ZNF536: variants seen among roughly 807,000 people sequenced by gnomAD.
The protein encoded by ZNF536 is zinc finger protein 536.
ZNF536 carries 13 observed loss-of-function variants against 84.5 expected under a neutral mutation model. The ratio of observed to expected loss-of-function variants is 0.15; its 90% CI spans 0.10 to 0.24. ZNF536 has a LOEUF of 0.24. ZNF536 is among the 10% of genes least tolerant of loss of function. ZNF536 has a pLI of 1.00. For synonymous variants in ZNF536, 811 were observed against 742.5 expected, an observed-to-expected ratio of 1.09 and a Z score of -1.50; for missense variants, 1,536 against 1,747.5, an observed-to-expected ratio of 0.88 and a Z score of 2.16.
chr19:30,412,390 T>C (rs962535555), intron 1 of ZNF536, among the ~76,000 whole-genome samples: 3 of 148,442 alleles, frequency 2.0e-5, no homozygotes, highest in African/African-American at 7.3e-5. Context: ...TGTTGAATTT[T>C]ATCAAGTGAT....
At chr19:30,563,687 A>G (rs1048413703) in intron 1 of ZNF536, among the ~76,000 whole-genome samples, 5 of 152,184 alleles carry the variant, frequency 3.3e-5, no homozygotes, top group African/African-American at 1.2e-4. Context: ...TTCTTTCGTG[A>G]CAGTGGGTTT....
At chr19:30,624,724 T>C (rs556089742) in intron 1 of ZNF536, among the ~76,000 whole-genome samples, 1 of 152,258 alleles carries the variant, frequency 6.6e-6, no homozygotes, top group Non-Finnish European at 1.5e-5. Flanking sequence ...CCAGGTGATA[T>C]GGTTTGGCTT....
At chr19:30,558,644 G>C (rs925271100), downstream of ZNF536, among the ~76,000 whole-genome samples, 3 of 152,182 alleles carry the variant, frequency 2.0e-5, no homozygotes, top group African/African-American at 7.2e-5. Flanking sequence ...TTTGCCTCCT[G>C]GTGGGGAGAG....
chr19:30,251,008 C>G (rs564106416), intron 1 of ZNF536, among the ~76,000 whole-genome samples: 3 of 152,036 alleles, frequency 2.0e-5, no homozygotes, highest in African/African-American at 7.3e-5. Flanking sequence ...TTTAAGATCT[C>G]GGTGAACTTG....
chr19:30,402,796 A>AATATATATATATATATAT (rs869301101), intron 1 of ZNF536, among the ~76,000 whole-genome samples: 13 of 85,592 alleles, frequency 1.5e-4, no homozygotes, highest in South Asian at 4.5e-4. Context: ...AAAATTAAAA[A>AATATATATATATATATAT]ATATATATAT....
At chr19:30,686,481 C>T (rs2051188164) in intron 1 of ZNF536, among the ~76,000 whole-genome samples, 1 of 152,334 alleles carries the variant, frequency 6.6e-6, no homozygotes, top group African/African-American at 2.4e-5. Context: ...TGCAGCCCCC[C>T]CAAGTGGGGC....
At chr19:30,465,827 T>G (rs1173223958) in intron 2 of ZNF536, among the ~76,000 whole-genome samples, 4 of 152,032 alleles carry the variant, frequency 2.6e-5, no homozygotes, top group Non-Finnish European at 1.5e-5. Flanking sequence ...CTCGGCTCAC[T>G]GCAAGCTCCA....
intron 2 of ZNF536, among the ~76,000 whole-genome samples, chr19:30,487,602 T>C (rs965844538): frequency 2.6e-5 from 4 of 152,142 alleles, no homozygotes; most frequent in African/African-American, 9.7e-5. Context: ...TGACATTACT[T>C]CCATAAAATT....
At chr19:30,653,560 C>G (rs1288984529) in intron 1 of ZNF536, among the ~76,000 whole-genome samples, 1 of 152,172 alleles carries the variant, frequency 6.6e-6, no homozygotes, top group Non-Finnish European at 1.5e-5. Flanking sequence ...TTCAGGTTCT[C>G]TTGAAAAACT....
At chr19:30,334,273 G>A (rs992613749) in intron 2 of ZNF536, among the ~76,000 whole-genome samples, 1 of 152,188 alleles carries the variant, frequency 6.6e-6, no homozygotes, top group Non-Finnish European at 1.5e-5. Context: ...AAAGCTATGC[G>A]ATTCTTGGGG....
intron 1 of ZNF536, among the ~76,000 whole-genome samples, chr19:30,432,006 T>TATATATATATACACAC (rs149223384): frequency 1.4e-5 from 2 of 145,980 alleles, no homozygotes; most frequent in African/African-American, 5.1e-5. Context: ...TATATATATA[T>TATATATATATACACAC]ACACACACAC....
chr19:30,327,822 C>T (rs1390346758), intron 2 of ZNF536, among the ~76,000 whole-genome samples: 7 of 152,200 alleles, frequency 4.6e-5, no homozygotes, highest in African/African-American at 9.7e-5. Flanking sequence ...GAATTGTTAT[C>T]CTTTGGGCAA....
chr19:30,318,406 G>A (rs2046750274), intron 2 of ZNF536, among the ~76,000 whole-genome samples: 1 of 152,258 alleles, frequency 6.6e-6, no homozygotes. Flanking sequence ...AAATGATGCA[G>A]ACCAAGGCTA....
At chr19:30,499,258 G>GAA (rs36123207) in intron 2 of ZNF536, among the ~76,000 whole-genome samples, 24,804 of 151,938 alleles carry the variant, frequency 0.16, 2,408 homozygotes, top group Non-Finnish European at 0.21. Context: ...TCAGATAAAA[G>GAA]AAGTATTTAT....
intron 2 of ZNF536, among the ~76,000 whole-genome samples, chr19:30,293,566 C>T (rs2045908345): frequency 6.6e-6 from 1 of 152,178 alleles, no homozygotes; most frequent in Non-Finnish European, 1.5e-5. Flanking sequence ...CAATAGGCTT[C>T]ACGCGGCTGC....
At chr19:30,602,453 G>A (rs969649420) in intron 1 of ZNF536, among the ~76,000 whole-genome samples, 3 of 152,114 alleles carry the variant, frequency 2.0e-5, no homozygotes, top group Non-Finnish European at 4.4e-5. Flanking sequence ...TTTTTATTTT[G>A]AGCTACATTT....
intron 1 of ZNF536, among the ~76,000 whole-genome samples, chr19:30,630,130 G>C (rs1250496007): frequency 1.3e-5 from 2 of 152,236 alleles, no homozygotes; most frequent in Admixed American, 6.5e-5. Context: ...GGGCCGGAGA[G>C]CACCAGGGGC....
rs780276553 is a variant in ZNF536, at chr19:30,612,400, G to C, written c.169+62886G>C. 6.6e-5 allele frequency among the ~76,000 whole-genome samples: 10 copies of C among 152,234 alleles called. No individual in the cohort carries two copies. In the Middle Eastern group the frequency reaches 0.01, roughly 155 times the overall value. The stretch of plus-strand genomic sequence containing the variant: ...CCAAGTGACTTGCCTGACTTTGCGG[G>C]ACCATCACCTCTTTACCAACCAGAG... On this transcript the variant is annotated intron_variant, in intron 1 of 1. Transcript: ENST00000592773.
At position 30,551,214 on chromosome 19, in the gene ZNF536, A is replaced by T. The variant is rs1235091119; in HGVS notation, c.3895+1700A>T. Among the ~76,000 whole-genome samples, 5 of 152,206 alleles carry T rather than the reference A, an allele frequency of 3.3e-5. No homozygotes were observed. In the East Asian group the frequency reaches 9.7e-4, roughly 29 times the overall value. ...CCTGCCAGGAATCCATGCATCAGAA[A>T]AGATCAAAACCTGGCATGTTCATGA... On this transcript the variant is annotated intron_variant, in intron 4 of 4. Transcript: ENST00000355537.
Sources: allele counts gnomAD v4.1 joint callset (sites outside exome capture counted in the v4.1 genomes callset), GRCh38; gene constraint gnomAD v4.1.1; transcripts MANE v1.5; gene names NCBI Gene and HGNC (gene_info 2026-07-23, HGNC 2026-07-21).